DPCD: variants seen among roughly 807,000 people sequenced by gnomAD.
DPCD encodes deleted in primary ciliary dyskinesia homolog (mouse), also known as protein DPCD.
Under a neutral mutation model 26.4 loss-of-function variants are expected in DPCD, and 20 were observed. The observed-to-expected ratio is 0.76, with a 90% CI of 0.53 to 1.10. DPCD has a LOEUF of 1.10. DPCD is among the 50% of genes least tolerant of loss of function. The pLI, the probability that DPCD is intolerant of heterozygous loss-of-function variation, is 0.00. For synonymous variants in DPCD, 97 were observed against 94.2 expected (o/e 1.03, Z -0.17); for missense variants, 202 against 253.9 (o/e 0.80, Z 1.39).
intron 2 of DPCD, 111 bp downstream of exon 2, chr10:101,594,849 G>C: frequency 9.7e-7 from 1 of 1,030,010 alleles, no homozygotes; most frequent in South Asian, 1.4e-5. Flanking sequence ...AAATGTAGAG[G>C]CTGGGAGAGA....
intron 1 of DPCD, 56 bp downstream of exon 1, chr10:101,588,456 C>T (rs1235696315): frequency 6.5e-7 from 1 of 1,550,016 alleles, no homozygotes; most frequent in African/African-American, 1.4e-5. Flanking sequence ...GTCCGGCCCT[C>T]CGGGAAGGGC....
intron 2 of DPCD, among the ~76,000 whole-genome samples, chr10:101,597,590 G>A (rs897798358): frequency 2.6e-5 from 4 of 152,128 alleles, no homozygotes; most frequent in East Asian, 3.9e-4. Flanking sequence ...GCCCCCAGGC[G>A]CCACCTCCTT....
intron 1 of DPCD, among the ~76,000 whole-genome samples, chr10:101,592,199 CAAAG>C: frequency 6.6e-6 from 1 of 152,144 alleles, no homozygotes; most frequent in East Asian, 1.9e-4. Context: ...GCAGTAACCA[CAAAG>C]AAAGAAAATA....
In DPCD at chr10:101,603,209, GTC is replaced by G. The variant is rs1321903960; in HGVS notation, c.404+1879_404+1880del. ...CCTGGCTCATCCCTGCCCTCCTCAGGTCTCTCTGTTGGGAGGTAACCTAGAGG... is the reference window on the plus strand; with the variant it reads ...CCTGGCTCATCCCTGCCCTCCTCAGGTCTCTGTTGGGAGGTAACCTAGAGG... On this transcript the variant is annotated intron_variant, in intron 4 of 5. Transcript: ENST00000370151. The surrounding 1 kb of genome is among the most constrained non-coding windows in gnomAD (Gnocchi z 4.6). Among the ~76,000 whole-genome samples, 4 of 152,176 alleles carry G rather than the reference GTC, an allele frequency of 2.6e-5. No individual in the cohort carries two copies. Among genetic ancestry groups the G allele is most frequent in the Non-Finnish European group, 5.9e-5 (4 of 68,036 alleles).
rs2063684589 is a variant in DPCD, at chr10:101,600,429, A to C, written c.146-309A>C. ...ATCTTCACATCTTCTCCTTGCTTGAAGCCACACCTGAGGGTTTCTTGACTC... is the reference window on the plus strand; with the variant it reads ...ATCTTCACATCTTCTCCTTGCTTGACGCCACACCTGAGGGTTTCTTGACTC... On this transcript the variant is annotated intron_variant, in intron 2 of 5. Coordinates refer to ENST00000370151, the MANE Select transcript of DPCD (RefSeq NM_015448.3). This position sits in a 1 kb window ranked among gnomAD's most constrained non-coding sequence, Gnocchi z 4.7. 1.3e-5 allele frequency among the ~76,000 whole-genome samples: 2 copies of C among 152,132 alleles called. No individual in the cohort carries two copies. The highest frequency in any genetic ancestry group is 4.1e-4 in the South Asian group (2 of 4,830).
Position 101,609,391 on chromosome 10 carries a change from G to A in DPCD, c.532G>A (p.Val178Met), listed in dbSNP as rs1308963933. 1.2e-6 allele frequency: 2 copies of A among 1,614,160 alleles called. No individual in the cohort carries two copies. Among genetic ancestry groups the A allele is most frequent in the South Asian group, 2.2e-5 (2 of 91,072 alleles). ...GTACCAGAAGCCAAAGGAGGTTGTG[G>A]TGGCCGAGTCTGAGCTACAGAAGGA... Reference protein sequence around the residue: ...ISYQKPKEVVVAESELQKELK... With the variant: ...ISYQKPKEVVMAESELQKELK... The change falls in exon 6 of 6, where the codon GTG (valine) becomes ATG (methionine). Residue 178 changes from valine to methionine, a missense_variant. Val to Met is a conservative substitution (Grantham distance 21). This residue lies in a region of DPCD where 118 missense variants were observed against 145.1 expected (regional missense o/e 0.81). Coordinates refer to ENST00000370151, the MANE Select transcript of DPCD (RefSeq NM_015448.3).
At chr10:101,594,912 G>A (rs1029319240) in intron 2 of DPCD, among the ~76,000 whole-genome samples, 174 bp downstream of exon 2, 1 of 152,094 alleles carries the variant, frequency 6.6e-6, no homozygotes, top group Non-Finnish European at 1.5e-5. Context: ...CACCAAAAGT[G>A]GAATGCGAGT....
At chr10:101,607,725 A>C (rs1012087958) in intron 4 of DPCD, among the ~76,000 whole-genome samples, 1 of 151,974 alleles carries the variant, frequency 6.6e-6, no homozygotes, top group Non-Finnish European at 1.5e-5. Context: ...CTCTCACTTG[A>C]GTTTGTTTGT....
chr10:101,600,877 C>T lies in DPCD; in HGVS notation c.270+15C>T, dbSNP rs192405634. 4,393 of 1,613,962 alleles carry T rather than the reference C, an allele frequency of 2.7e-3. 10 individuals are homozygous for T. Among genetic ancestry groups the T allele is most frequent in the Middle Eastern group, 5.8e-3 (35 of 6,062 alleles). On this transcript the variant is annotated intron_variant, in intron 3 of 5. Transcript: ENST00000370151. The surrounding 1 kb of genome is among the most constrained non-coding windows in gnomAD (Gnocchi z 4.7). ...GCAATGCCAATGTACGTCCATCTGT[C>T]CAGGTGTCTTGCACGGACTGAGGTG...
intron 2 of DPCD, among the ~76,000 whole-genome samples, chr10:101,597,567 G>A (rs560709706): frequency 6.6e-6 from 1 of 152,306 alleles, no homozygotes; most frequent in Admixed American, 6.5e-5. Flanking sequence ...GCTTCCTGCT[G>A]ATTTAGGAAA....
At chr10:101,588,437 T>C (rs2063518867) in intron 1 of DPCD, 37 bp downstream of exon 1, 6 of 1,558,486 alleles carry the variant, frequency 3.8e-6, no homozygotes, top group Non-Finnish European at 4.3e-6. Context: ...TTCGTTTTTT[T>C]CCCTCAGGGT....
intron 1 of DPCD, among the ~76,000 whole-genome samples, 166 bp from the exon 2 acceptor site, chr10:101,594,492 G>A (rs553524929): frequency 1.3e-5 from 2 of 152,312 alleles, no homozygotes; most frequent in African/African-American, 4.8e-5. Flanking sequence ...CTCAGGACAC[G>A]TTTTAAAGTA....
At chr10:101,597,772 G>A (rs146348925) in intron 2 of DPCD, among the ~76,000 whole-genome samples, 402 of 152,314 alleles carry the variant, frequency 2.6e-3, no homozygotes, top group African/African-American at 9.2e-3. Context: ...TTCTGTTGCC[G>A]CAGGAGCCGT....
In DPCD at chr10:101,594,764, C is replaced by G. The variant is rs1564891629; in HGVS notation, c.145+26C>G. On this transcript the variant is annotated intron_variant, in intron 2 of 5. Transcript: ENST00000370151. ...GTAAGTGACAGAGGCTCCCAGTGGG[C>G]CTTTAGTAATACTTGGGGCTGACAT... 1.1e-5 allele frequency: 18 copies of G among 1,605,158 alleles called. No individual in the cohort carries two copies. The East Asian group carries it at 3.8e-4, about 34-fold the overall frequency.
rs555121990 is a variant in DPCD, at chr10:101,600,341, G to A, written c.146-397G>A. On this transcript the variant is annotated intron_variant, in intron 2 of 5. Transcript: ENST00000370151. This position sits in a 1 kb window ranked among gnomAD's most constrained non-coding sequence, Gnocchi z 4.7. ...CCTCTGCATGTTTTTGAGGGAAAAA[G>A]TGTGCTTCAACTCCTTTTTGGGATC... Among the ~76,000 whole-genome samples, 1 of 152,246 alleles carries A rather than the reference G, an allele frequency of 6.6e-6. No homozygotes were observed. Among genetic ancestry groups the A allele is most frequent in the Admixed American group, 6.5e-5 (1 of 15,282 alleles).
intron 1 of DPCD, among the ~76,000 whole-genome samples, chr10:101,592,514 G>GT (rs2134754330): frequency 6.6e-6 from 1 of 152,128 alleles, no homozygotes; most frequent in East Asian, 1.9e-4. Context: ...GAGCTCAGGA[G>GT]TTTGAGATCA....
In DPCD at chr10:101,601,199, G is replaced by T; in HGVS notation, c.271-4G>T. 1 of 1,613,722 alleles carries T rather than the reference G, an allele frequency of 6.2e-7. No individual in the cohort carries two copies. Among genetic ancestry groups the T allele is most frequent in the Non-Finnish European group, 8.5e-7 (1 of 1,179,908 alleles). On this transcript the variant is annotated splice_region_variant and splice_polypyrimidine_tract_variant and intron_variant, in intron 3 of 5. Coordinates refer to ENST00000370151, the MANE Select transcript of DPCD (RefSeq NM_015448.3). ...AGTCCTCGAGTTGGATTTGCCTTCT[G>T]CAGCCTATCTTCATGCGCAAGGACA...
chr10:101,601,214 G>C lies in DPCD; in HGVS notation c.282G>C (p.Met94Ile), dbSNP rs770149026. 1 of 1,613,790 alleles carries C rather than the reference G, an allele frequency of 6.2e-7. No individual in the cohort carries two copies. Among genetic ancestry groups the C allele is most frequent in the Non-Finnish European group, 8.5e-7 (1 of 1,179,960 alleles). Residue 94 changes from methionine to isoleucine, a missense_variant, in exon 4 of 6, where the codon ATG (methionine) becomes ATC (isoleucine). By Grantham distance (10) the Met-to-Ile change is conservative. Coordinates refer to ENST00000370151, the MANE Select transcript of DPCD (RefSeq NM_015448.3). Reference protein sequence around the residue: ...IKESNANPIFMRKDTKMSFQW... With the variant: ...IKESNANPIFIRKDTKMSFQW... ...TTTGCCTTCTGCAGCCTATCTTCAT[G>C]CGCAAGGACACCAAGATGAGTTTCC...
intron 1 of DPCD, among the ~76,000 whole-genome samples, chr10:101,593,923 A>G (rs1034430695): frequency 6.6e-6 from 1 of 152,130 alleles, no homozygotes; most frequent in Non-Finnish European, 1.5e-5. Context: ...CAGGAGCCAC[A>G]CTTGGTCTTT....
Sources: allele counts gnomAD v4.1 joint callset (sites outside exome capture counted in the v4.1 genomes callset), GRCh38; gene constraint gnomAD v4.1.1; regional missense constraint gnomAD v4.1.1; non-coding constraint Gnocchi (gnomAD v3.1); transcripts MANE v1.5; gene names NCBI Gene and HGNC (gene_info 2026-07-23, HGNC 2026-07-21).